Variants in TEX15 observed in about 807,000 individuals in gnomAD.
TEX15 encodes the protein testis expressed 15, meiosis and synapsis associated.
TEX15 carries 171 observed loss-of-function variants against 237.3 expected under a neutral mutation model. The observed-to-expected ratio is 0.72, with a 90% CI of 0.64 to 0.82. TEX15 has a LOEUF of 0.82. Among genes scored for constraint, TEX15 ranks in the 40% least tolerant of loss-of-function variants. The probability of loss-of-function intolerance (pLI) is 0.00; values close to 1 mark genes in which losing one functional copy is unlikely to be tolerated. For missense variants in TEX15, 3,750 were observed against 3,646.5 expected, an observed-to-expected ratio of 1.03 and a Z score of -0.73; for synonymous variants, 1,338 against 1,269.8, an observed-to-expected ratio of 1.05 and a Z score of -1.14.
intron 9 of TEX15, 96 bp from the exon 10 acceptor site, chr8:30,838,157 G>T (rs905268615): frequency 1.8e-6 from 2 of 1,110,992 alleles, no homozygotes; most frequent in African/African-American, 1.6e-5. Flanking sequence ...TCCAGGGGAA[G>T]AGTTCTTAAG....
chr8:30,864,741 A>G (rs1477337643), intron 5 of TEX15, among the ~76,000 whole-genome samples: 1 of 152,008 alleles, frequency 6.6e-6, no homozygotes, highest in African/African-American at 2.4e-5. Context: ...CATGGTGTAT[A>G]AACCATCTTT....
chr8:30,884,715 T>C (rs2128775555), intron 3 of TEX15, among the ~76,000 whole-genome samples: 1 of 152,068 alleles, frequency 6.6e-6, no homozygotes, highest in East Asian at 1.9e-4. Flanking sequence ...CTGTGCTCCC[T>C]TTTTTTTCTT....
In TEX15 at chr8:30,837,061, C is replaced by T. The variant is rs150606321; in HGVS notation, c.9223G>A (p.Gly3075Arg). 2,560 of 1,614,094 alleles carry T rather than the reference C, an allele frequency of 1.6e-3. 9 individuals are homozygous for T. Among genetic ancestry groups the T allele is most frequent in the Admixed American group, 3.8e-3 (228 of 60,010 alleles). The part of the protein sequence containing the change: ...TSYEVQPSPS[G>R]LLTTVASTAQ... ...GTACTTGCAACTGTGGTCAACAGCC[C>T]AGAAGGAGATGGCTGTACTTCATAT... Residue 3075 changes from glycine to arginine, a missense_variant, in exon 10 of 11, where the codon GGG (glycine) becomes AGG (arginine). Gly to Arg is a moderately radical substitution (Grantham distance 125, BLOSUM62 -2). Coordinates refer to ENST00000643185, the MANE Select transcript of TEX15 (RefSeq NM_001350162.2).
rs1337778677 is a variant in TEX15, at chr8:30,848,908, G to A, written c.1259C>T (p.Thr420Ile). 6.2e-7 allele frequency: 1 copy of A among 1,614,164 alleles called. No homozygotes were observed. Among genetic ancestry groups the A allele is most frequent in the Middle Eastern group, 1.6e-4 (1 of 6,062 alleles). ...TGAAGTAGTGACTGTGCTTGAGCCA[G>A]TATTGTTGTGAAGAGGAAAAGAAGC... ...LNASFPLHNN[T>I]GSSTVTTSKS... The change falls in exon 8 of 11, where the codon ACT (threonine) becomes ATT (isoleucine). Residue 420 changes from threonine to isoleucine, a missense_variant. Thr to Ile is a moderately conservative substitution (Grantham distance 89). Coordinates refer to ENST00000643185, the MANE Select transcript of TEX15 (RefSeq NM_001350162.2).
At chr8:30,849,745 A>G (rs908983966) in intron 7 of TEX15, among the ~76,000 whole-genome samples, 2 of 151,994 alleles carry the variant, frequency 1.3e-5, no homozygotes, top group Admixed American at 1.3e-4. Context: ...AATACAAAAA[A>G]AAAATTAGCC....
At chr8:30,883,328 C>T (rs571467254) in intron 3 of TEX15, among the ~76,000 whole-genome samples, 4 of 152,226 alleles carry the variant, frequency 2.6e-5, no homozygotes, top group African/African-American at 7.2e-5. Context: ...AGCTGAATAT[C>T]CAGGAGATAA....
At position 30,844,530 on chromosome 8, in the gene TEX15, G is replaced by A. The variant is rs1401701830; in HGVS notation, c.5637C>T (p.Ile1879=). 1 of 1,612,568 alleles carries A rather than the reference G, an allele frequency of 6.2e-7. No individual in the cohort carries two copies. Among genetic ancestry groups the A allele is most frequent in the East Asian group, 2.2e-5 (1 of 44,856 alleles). The change falls in exon 8 of 11, where the codon ATC becomes ATT. Residue 1879 remains isoleucine, a synonymous_variant. Coordinates refer to ENST00000643185, the MANE Select transcript of TEX15 (RefSeq NM_001350162.2). The part of the protein sequence containing the change: ...NTEYKNQKNQ[I]SEESCLNEKI... ...TCTCATTTAAGCAGGATTCTTCTGA[G>A]ATCTGATTCTTTTGATTTTTGTACT...
intron 1 of TEX15, among the ~76,000 whole-genome samples, chr8:30,910,027 T>C (rs560580630): frequency 2.0e-5 from 3 of 152,264 alleles, no homozygotes; most frequent in East Asian, 1.9e-4. Context: ...AATAGGAACA[T>C]AGCAAAAGCA....
chr8:30,872,620 C>T (rs1182755052), intron 4 of TEX15, among the ~76,000 whole-genome samples: 1 of 152,038 alleles, frequency 6.6e-6, no homozygotes, highest in Non-Finnish European at 1.5e-5. Flanking sequence ...CACGTTACTG[C>T]ACCTGAAGAC....
chr8:30,885,074 C>CT (rs1177710442), intron 3 of TEX15, among the ~76,000 whole-genome samples: 2 of 151,672 alleles, frequency 1.3e-5, no homozygotes, highest in Non-Finnish European at 2.9e-5. Flanking sequence ...TTCTTTGATG[C>CT]TTTTATTATT....
rs1038097585 is a variant in TEX15, at chr8:30,843,523, G to A, written c.6644C>T (p.Thr2215Ile). 3.1e-6 allele frequency: 5 copies of A among 1,612,938 alleles called. No homozygotes were observed. In the African/African-American group the frequency reaches 5.3e-5, roughly 17 times the overall value. The change falls in exon 8 of 11, where the codon ACT becomes ATT. Residue 2215 changes from threonine to isoleucine, a missense_variant. By Grantham distance (89) the Thr-to-Ile change is moderately conservative. Coordinates refer to ENST00000643185, the MANE Select transcript of TEX15 (RefSeq NM_001350162.2). ...LEDLEILRKS[T>I]LKLINVCGDS... is the part of the protein sequence containing the mutation. The stretch of plus-strand genomic sequence containing the variant: ...CCCACATACATTGATCAACTTTAAA[G>A]TACTTTTTCTTAAGATTTCCAGGTC...
chr8:30,881,574 TTTG>T (rs1173708066), intron 3 of TEX15, among the ~76,000 whole-genome samples: 7 of 151,706 alleles, frequency 4.6e-5, no homozygotes, highest in Non-Finnish European at 8.8e-5. Context: ...CAACCATCTT[TTTG>T]TTGTAGTTTC....
Position 30,845,015 on chromosome 8 carries a change from G to C in TEX15, c.5152C>G (p.Pro1718Ala). The C allele has an allele frequency of 6.2e-7, 1 of 1,613,560 alleles. No individual in the cohort carries two copies. The highest frequency in any genetic ancestry group is 1.6e-4 in the Middle Eastern group (1 of 6,062). ...TLIASKKYSI[P>A]QLSAAAVTDS... ...GTCACTGCAGCGGCTGATAACTGAG[G>C]AATACTGTACTTTTTACTTGCTATC... is the stretch of plus-strand genomic sequence containing the variant. The change falls in exon 8 of 11, where the codon CCT becomes GCT. Residue 1718 changes from proline to alanine, a missense_variant. Pro to Ala is a conservative substitution (Grantham distance 27, BLOSUM62 -1). Transcript: ENST00000643185.
rs1807646765 is a variant in TEX15 at position 30,847,448 on chromosome 8, A to C, written c.2719T>G (p.Tyr907Asp). The C allele has an allele frequency of 6.2e-7, 1 of 1,610,854 alleles. No homozygotes were observed. Among genetic ancestry groups the C allele is most frequent in the African/African-American group, 1.3e-5 (1 of 74,662 alleles). ...SNIDEKEDKN[Y>D]HNIEILSSEE... Reference sequence around the variant, plus strand: ...GAACTCAAAATTTCTATATTGTGGTAATTTTTGTCCTCCTTTTCATCTATA... The same window carrying C: ...GAACTCAAAATTTCTATATTGTGGTCATTTTTGTCCTCCTTTTCATCTATA... The change falls in exon 8 of 11, where the codon TAC becomes GAC. Residue 907 changes from tyrosine to aspartate, a missense_variant. Coordinates refer to ENST00000643185, the MANE Select transcript of TEX15 (RefSeq NM_001350162.2).
intron 7 of TEX15, among the ~76,000 whole-genome samples, chr8:30,854,513 A>G (rs189483031): frequency 6.6e-6 from 1 of 152,258 alleles, no homozygotes; most frequent in Non-Finnish European, 1.5e-5. Flanking sequence ...ACTACCCACA[A>G]GGAAAAACCC....
At chr8:30,911,774 C>A (rs764659437) in intron 1 of TEX15, among the ~76,000 whole-genome samples, 4 of 152,168 alleles carry the variant, frequency 2.6e-5, no homozygotes, top group Non-Finnish European at 5.9e-5. Context: ...GGTGGCCATG[C>A]GCCTCAAACC....
At chr8:30,884,849 T>C (rs1808611164) in intron 3 of TEX15, among the ~76,000 whole-genome samples, 1 of 152,146 alleles carries the variant, frequency 6.6e-6, no homozygotes, top group South Asian at 2.1e-4. Context: ...CTAATTTTTA[T>C]TATTTTCTTC....
intron 1 of TEX15, among the ~76,000 whole-genome samples, chr8:30,907,443 C>CAA (rs1253042994): frequency 8.3e-6 from 1 of 120,594 alleles, no homozygotes; most frequent in Non-Finnish European, 1.7e-5. Context: ...TTTATATATA[C>CAA]AATGTATATA....
Position 30,846,761 on chromosome 8 carries a change from A to T in TEX15, c.3406T>A (p.Phe1136Ile), listed in dbSNP as rs755396546. The T allele has an allele frequency of 3.7e-6, 6 of 1,613,712 alleles. No homozygotes were observed. In the African/African-American group the frequency reaches 6.7e-5, roughly 18 times the overall value. Residue 1136 changes from phenylalanine to isoleucine, a missense_variant, in exon 8 of 11, where the codon TTT becomes ATT. Coordinates refer to ENST00000643185, the MANE Select transcript of TEX15 (RefSeq NM_001350162.2). Reference sequence around the variant, plus strand: ...TCATTGTTTTGTGTAGAGGAATAAAAATAGTTACTTTCCTTAGAATAATGC... The same window carrying T: ...TCATTGTTTTGTGTAGAGGAATAAATATAGTTACTTTCCTTAGAATAATGC... ...DQHYSKESNY[F>I]YSSTQNNETE...
Sources: gnomAD v4.1 joint callset for allele counts (sites outside exome capture counted in the v4.1 genomes callset) on GRCh38, gnomAD v4.1.1 for gene constraint, MANE v1.5 for transcripts, NCBI Gene and HGNC (gene_info 2026-07-23, HGNC 2026-07-21) for gene names.